Variants in CYP46A1 observed in about 807,000 individuals in gnomAD.
CYP46A1 encodes cytochrome P450 family 46 subfamily A member 1, also known as cholesterol 24-hydroxylase.
A neutral mutation model predicts 63.3 loss-of-function variants in CYP46A1; 20 were observed. That is an observed-to-expected ratio of 0.32 (90% CI 0.22 to 0.46). The LOEUF (loss-of-function observed/expected upper bound fraction) is 0.46. Among genes scored for constraint, CYP46A1 ranks in the 20% least tolerant of loss-of-function variants. CYP46A1 has a pLI of 1.00. For synonymous variants in CYP46A1, 268 were observed against 273.6 expected (o/e 0.98, Z 0.20); for missense variants, 445 against 670.8 (o/e 0.66, Z 3.72).
intron 3 of CYP46A1, among the ~76,000 whole-genome samples, chr14:99,694,270 TA>T (rs1308764730): frequency 3.4e-5 from 5 of 145,788 alleles, no homozygotes; most frequent in Non-Finnish European, 7.5e-5. Flanking sequence ...ATTATTGGCA[TA>T]AAGTTGTTCA....
At chr14:99,705,531 T>A (rs2056668508) in intron 5 of CYP46A1, among the ~76,000 whole-genome samples, 1 of 152,204 alleles carries the variant, frequency 6.6e-6, no homozygotes, top group South Asian at 2.1e-4. Flanking sequence ...TTTTTAAAAA[T>A]TTTCTATTTG....
chr14:99,719,297 C>T (rs531750785), intron 10 of CYP46A1, among the ~76,000 whole-genome samples: 14 of 152,158 alleles, frequency 9.2e-5, no homozygotes, highest in Admixed American at 3.9e-4. Context: ...CTGCAACCTC[C>T]GCCTCCCCAG....
intron 1 of CYP46A1, among the ~76,000 whole-genome samples, chr14:99,688,308 C>T (rs191696085): frequency 1.8e-4 from 28 of 152,280 alleles, no homozygotes; most frequent in African/African-American, 5.5e-4. Context: ...GCGGCCACCC[C>T]GTACTTCCTT....
At chr14:99,714,089 A>T (rs2056764779) in intron 7 of CYP46A1, among the ~76,000 whole-genome samples, 1 of 152,200 alleles carries the variant, frequency 6.6e-6, no homozygotes, top group Admixed American at 6.5e-5. Flanking sequence ...CTGAATAGAC[A>T]TTTCTCAAAA....
At position 99,688,383 on chromosome 14, in the gene CYP46A1, C is replaced by T. The variant is rs1367785854; in HGVS notation, c.120-2698C>T. Among the ~76,000 whole-genome samples, 3 of 152,206 alleles carry T rather than the reference C, an allele frequency of 2.0e-5. 1 individual carries two copies. In the Middle Eastern group the frequency reaches 0.01, roughly 518 times the overall value. On this transcript the variant is annotated intron_variant, in intron 1 of 14. Coordinates refer to ENST00000261835, the MANE Select transcript of CYP46A1 (RefSeq NM_006668.2). ...AGTCCCCATCACCTCCCCCTCCATC[C>T]GCACTCTCAGCTTTTATTCTTGCCT...
chr14:99,727,001 C>G lies in CYP46A1; in HGVS notation c.*274C>G, dbSNP rs551738077. 1 of 391,826 alleles carries G rather than the reference C, an allele frequency of 2.6e-6. No individual in the cohort carries two copies. Among genetic ancestry groups the G allele is most frequent in the East Asian group, 3.7e-5 (1 of 27,156 alleles). The allele number at this position is 391,826 out of a possible 1,614,324, so 24.3% of individuals were successfully genotyped here. The stretch of plus-strand genomic sequence containing the variant: ...CCCTTGCACAGGCCACTTGCTCAGA[C>G]GAGACACCCTAACTCTTGCTCACTC... On this transcript the variant is annotated 3_prime_UTR_variant, in exon 15 of 15. Coordinates refer to ENST00000261835, the MANE Select transcript of CYP46A1 (RefSeq NM_006668.2).
intron 9 of CYP46A1, among the ~76,000 whole-genome samples, chr14:99,717,483 G>A (rs1356511594): frequency 1.3e-5 from 2 of 152,162 alleles, no homozygotes; most frequent in South Asian, 2.1e-4. Context: ...TGTGTGAATG[G>A]CCCACCTCCA....
At chr14:99,692,198 G>A (rs1047961814) in intron 3 of CYP46A1, among the ~76,000 whole-genome samples, 2 of 152,262 alleles carry the variant, frequency 1.3e-5, no homozygotes, top group East Asian at 3.9e-4. Flanking sequence ...TATCTCCAGG[G>A]CTATGATAAG....
intron 7 of CYP46A1, chr14:99,710,665 C>T (rs1397771356): frequency 6.6e-6 from 1 of 152,056 alleles, no homozygotes; most frequent in Non-Finnish European, 1.5e-5. Context: ...CCAGAGCACC[C>T]AGAGATAGAA....
intron 10 of CYP46A1, among the ~76,000 whole-genome samples, chr14:99,720,688 A>G (rs2056838128): frequency 6.6e-6 from 1 of 151,694 alleles, no homozygotes; most frequent in Non-Finnish European, 1.5e-5. Flanking sequence ...CCTACAGCCA[A>G]TCCCAAACAT....
intron 5 of CYP46A1, among the ~76,000 whole-genome samples, chr14:99,705,489 G>T (rs868315492): frequency 1.8e-4 from 27 of 152,162 alleles, no homozygotes; most frequent in African/African-American, 6.3e-4. Context: ...TGGGGTTATA[G>T]GCATGAGCCC....
At chr14:99,689,959 T>A (rs1332561564) in intron 1 of CYP46A1, among the ~76,000 whole-genome samples, 1 of 152,226 alleles carries the variant, frequency 6.6e-6, no homozygotes, top group Non-Finnish European at 1.5e-5. Flanking sequence ...AGGCTCTACA[T>A]GACCTGCCCC....
Position 99,723,077 on chromosome 14 carries a change from C to T in CYP46A1, c.1176+1011C>T, listed in dbSNP as rs115808406. On this transcript the variant is annotated intron_variant, in intron 12 of 14. Transcript: ENST00000261835. ...ATCATCTCCAGCACTTAGCATGGTC[C>T]GATTTTGTATCTGCTGCCATCCAAA... The T allele has an allele frequency of 7.9e-3, 2,068 of 261,128 alleles. 41 individuals carry two copies. The highest frequency in any genetic ancestry group is 0.042 in the African/African-American group (1,910 of 45,824). 16.2% of individuals were successfully genotyped at this position (261,128 alleles called of 1,614,324 possible).
rs1228789673 is a variant in CYP46A1 at position 99,715,927 on chromosome 14, G to A, written c.811G>A (p.Val271Ile). Residue 271 changes from valine (V) to isoleucine (I), a missense_variant, in exon 8 of 15, where the codon GTT becomes ATT. Physicochemically the swap from Val to Ile is conservative, Grantham distance 29 (BLOSUM62 3). Around this residue, in one of 4 missense-constraint regions of CYP46A1, gnomAD observed 252 missense variants for 383.3 expected, o/e 0.66. Coordinates refer to ENST00000261835, the MANE Select transcript of CYP46A1 (RefSeq NM_006668.2). ...RREALKRGEE[V>I]PADILTQILK... Reference sequence around the variant, plus strand: ...GGAAGCCCTGAAGAGGGGCGAGGAGGTTCCTGCCGACATCCTCACACAGAT... The same window carrying A: ...GGAAGCCCTGAAGAGGGGCGAGGAGATTCCTGCCGACATCCTCACACAGAT... 2 of 1,576,992 alleles carry A rather than the reference G, an allele frequency of 1.3e-6. No homozygotes were observed. The highest frequency in any genetic ancestry group is 1.7e-5 in the Admixed American group (1 of 58,510).
At chr14:99,714,760 C>CA (rs35534717) in intron 7 of CYP46A1, among the ~76,000 whole-genome samples, 40,221 of 101,866 alleles carry the variant, frequency 0.39, 6,097 homozygotes, top group Middle Eastern at 0.49. Context: ...AACCCCATCT[C>CA]AAAAAAAAAA....
intron 3 of CYP46A1, among the ~76,000 whole-genome samples, chr14:99,692,845 AAAAG>A (rs2056555510): frequency 6.6e-6 from 1 of 152,116 alleles, no homozygotes. Context: ...AAGAAAAAAA[AAAAG>A]AAGTGAAATG....
At chr14:99,692,376 T>C (rs1353425211) in intron 3 of CYP46A1, among the ~76,000 whole-genome samples, 1 of 152,124 alleles carries the variant, frequency 6.6e-6, no homozygotes, top group African/African-American at 2.4e-5. Context: ...TCATCTCTAC[T>C]AAAAATACAA....
intron 9 of CYP46A1, chr14:99,717,638 T>C: frequency 6.0e-6 from 1 of 167,006 alleles, no homozygotes; most frequent in Non-Finnish European, 1.3e-5. Flanking sequence ...CTTGGAGGGG[T>C]TGACTCTATC....
At chr14:99,708,702 T>C (rs1050010112) in intron 7 of CYP46A1, 2 of 154,388 alleles carry the variant, frequency 1.3e-5, no homozygotes, top group African/African-American at 4.8e-5. Flanking sequence ...GGGGATTGGC[T>C]TGCCCTGCCT....
Sources: allele counts gnomAD v4.1 joint callset (sites outside exome capture counted in the v4.1 genomes callset), GRCh38; gene constraint gnomAD v4.1.1; regional missense constraint gnomAD v4.1.1; transcripts MANE v1.5; gene names NCBI Gene and HGNC (gene_info 2026-07-23, HGNC 2026-07-21).